SSBP3: variants seen among roughly 807,000 people sequenced by gnomAD.
The protein encoded by SSBP3 is single stranded DNA binding protein 3, also known as single-stranded DNA-binding protein 3.
SSBP3 carries 5 observed loss-of-function variants against 69.6 expected under a neutral mutation model. The observed-to-expected ratio is 0.07, with a 90% CI of 0.04 to 0.15. The LOEUF (loss-of-function observed/expected upper bound fraction) is 0.15. SSBP3 is among the 10% of genes least tolerant of loss of function. SSBP3 has a pLI of 1.00. For synonymous variants in SSBP3, 196 were observed against 193.4 expected (o/e 1.01, Z -0.11); for missense variants, 312 against 534.0 (o/e 0.58, Z 4.10).
intron 4 of SSBP3, among the ~76,000 whole-genome samples, chr1:54,342,160 C>T (rs1304198440): frequency 1.3e-5 from 2 of 152,234 alleles, no homozygotes; most frequent in Non-Finnish European, 2.9e-5. Context: ...GCAGCGCAGC[C>T]CAGGCTGCAG....
At chr1:54,231,480 C>T (rs1445060383) in intron 14 of SSBP3, among the ~76,000 whole-genome samples, 2 of 152,178 alleles carry the variant, frequency 1.3e-5, no homozygotes, top group East Asian at 3.8e-4. Context: ...TGTCTTTTTA[C>T]TTCCTTGATG....
chr1:54,327,534 CATAA>C (rs1056249297), intron 4 of SSBP3, among the ~76,000 whole-genome samples: 4 of 152,172 alleles, frequency 2.6e-5, no homozygotes, highest in African/African-American at 9.7e-5. Context: ...TAGCCGTTAA[CATAA>C]ATAAAGCATC....
intron 4 of SSBP3, among the ~76,000 whole-genome samples, chr1:54,363,438 T>C (rs1457788700): frequency 6.6e-6 from 1 of 152,172 alleles, no homozygotes; most frequent in Non-Finnish European, 1.5e-5. Context: ...TTATGACAGA[T>C]GACTATGCTA....
exon 17 of SSBP3, chr1:54,228,273 G>A (rs1644321888): frequency 1.2e-6 from 2 of 1,613,896 alleles, no homozygotes; most frequent in South Asian, 1.1e-5. Flanking sequence ...TCTGAAAGGA[G>A]TGGAGGAAGT....
intron 7 of SSBP3, among the ~76,000 whole-genome samples, chr1:54,255,915 T>C (rs1644912980): frequency 6.6e-6 from 1 of 151,912 alleles, no homozygotes; most frequent in South Asian, 2.1e-4. Flanking sequence ...CTATTATAAA[T>C]ACAAAAATTA....
At chr1:54,241,504 T>C (rs1437585803) in exon 12 of SSBP3, 2 of 1,614,038 alleles carry the variant, frequency 1.2e-6, no homozygotes, top group Non-Finnish European at 1.7e-6. Context: ...AGGAGGAGTA[T>C]GGAATCTAAA....
intron 4 of SSBP3, among the ~76,000 whole-genome samples, chr1:54,355,641 C>T (rs761676330): frequency 1.3e-5 from 2 of 152,246 alleles, no homozygotes; most frequent in African/African-American, 2.4e-5. Context: ...TGAGCCACCG[C>T]GTCCAGCCTC....
intron 14 of SSBP3, among the ~76,000 whole-genome samples, chr1:54,234,369 T>TAAAAATA (rs935300913): frequency 5.6e-5 from 8 of 143,910 alleles, no homozygotes; most frequent in African/African-American, 1.5e-4. Context: ...AAAAAATAAA[T>TAAAAATA]AAAAATAAAA....
intron 13 of SSBP3, among the ~76,000 whole-genome samples, chr1:54,239,783 G>A (rs949770154): frequency 1.6e-4 from 25 of 152,264 alleles, no homozygotes; most frequent in South Asian, 2.1e-4. Context: ...TCCCGGCTGC[G>A]GCCAGCTCCA....
chr1:54,389,275 G>T (rs925276409), intron 4 of SSBP3, among the ~76,000 whole-genome samples: 8 of 152,194 alleles, frequency 5.3e-5, no homozygotes, highest in African/African-American at 1.9e-4. Context: ...GGAGTCCACA[G>T]GGGGTGGTAG....
At chr1:54,312,780 C>G (rs1646026655) in intron 4 of SSBP3, among the ~76,000 whole-genome samples, 6 of 152,220 alleles carry the variant, frequency 3.9e-5, no homozygotes, top group Admixed American at 3.9e-4. Context: ...TGGGTCCCAC[C>G]TGGGAGCCAG....
intron 4 of SSBP3, among the ~76,000 whole-genome samples, chr1:54,321,367 G>C (rs868399313): frequency 2.4e-4 from 36 of 152,362 alleles, no homozygotes; most frequent in African/African-American, 8.7e-4. Flanking sequence ...CTGTGGACTT[G>C]AGTGGGGCTG....
intron 4 of SSBP3, among the ~76,000 whole-genome samples, chr1:54,289,020 C>CAAAAAAAAAAAAAAAAAAAAAAAAA (rs777871964): frequency 2.3e-5 from 1 of 43,920 alleles, no homozygotes; most frequent in Non-Finnish European, 4.7e-5. Flanking sequence ...ACTCTGTCTC[C>CAAAAAAAAAAAAAAAAAAAAAAAAA]AAAAAAAAAA....
chr1:54,392,943 C>T (rs1432930568), intron 4 of SSBP3, among the ~76,000 whole-genome samples: 2 of 152,238 alleles, frequency 1.3e-5, no homozygotes, highest in African/African-American at 2.4e-5. Context: ...CCATAGGAGT[C>T]GTCCTGGCAG....
intron 4 of SSBP3, among the ~76,000 whole-genome samples, chr1:54,395,010 CTT>C (rs772634375): frequency 1.2e-4 from 18 of 144,822 alleles, no homozygotes; most frequent in Non-Finnish European, 7.6e-5. Flanking sequence ...GCTAAGACTC[CTT>C]TTTTTTTTTT....
intron 4 of SSBP3, among the ~76,000 whole-genome samples, chr1:54,378,914 C>A (rs1647403381): frequency 6.6e-6 from 1 of 152,216 alleles, no homozygotes; most frequent in African/African-American, 2.4e-5. Flanking sequence ...CAGCTCTGGG[C>A]AAGAAATGCC....
chr1:54,267,208 G>C (rs1448995992), intron 5 of SSBP3, among the ~76,000 whole-genome samples: 1 of 152,176 alleles, frequency 6.6e-6, no homozygotes, highest in Non-Finnish European at 1.5e-5. Context: ...GCCACTAAAT[G>C]CTTAAGGAGG....
upstream of SSBP3, among the ~76,000 whole-genome samples, chr1:54,410,430 G>C (rs1375803729): frequency 6.6e-6 from 1 of 152,192 alleles, no homozygotes; most frequent in African/African-American, 2.4e-5. Flanking sequence ...CCTTTCCCTG[G>C]TTCAAAGCTC....
At chr1:54,286,768 C>A (rs141167332) in intron 4 of SSBP3, 2 of 152,212 alleles carry the variant, frequency 1.3e-5, no homozygotes, top group African/African-American at 4.8e-5. Context: ...CAAGAGAAAG[C>A]GCCTTGGAAG....
Sources: gnomAD v4.1 joint callset for allele counts (sites outside exome capture counted in the v4.1 genomes callset) on GRCh38, gnomAD v4.1.1 for gene constraint, MANE v1.5 for transcripts, NCBI Gene and HGNC (gene_info 2026-07-23, HGNC 2026-07-21) for gene names.